The following TMEM232 variants were observed in gnomAD, a reference collection of about 807,000 sequenced individuals.
TMEM232 encodes transmembrane protein 232.
In TMEM232, 80 loss-of-function variants were observed where a neutral mutation model predicts 78.8. The ratio of observed to expected loss-of-function variants is 1.01; its 90% CI spans 0.85 to 1.22. The LOEUF (loss-of-function observed/expected upper bound fraction) is 1.22. TMEM232 is among the 50% of genes most tolerant of loss of function. TMEM232 has a pLI of 0.00. For missense variants in TMEM232, 881 were observed against 742.2 expected (o/e 1.19, Z -2.17); for synonymous variants, 297 against 254.3 (o/e 1.17, Z -1.60).
chr5:110,392,228 A>G (rs372630220), intron 3 of TMEM232, among the ~76,000 whole-genome samples: 2 of 152,190 alleles, frequency 1.3e-5, no homozygotes, highest in South Asian at 2.1e-4. Flanking sequence ...TGCCTCCCAA[A>G]AGAGCACAAG....
chr5:110,621,320 T>C (rs1783722816), intron 7 of TMEM232, among the ~76,000 whole-genome samples: 1 of 152,192 alleles, frequency 6.6e-6, no homozygotes, highest in Non-Finnish European at 1.5e-5. Flanking sequence ...TGTTGCTTAC[T>C]CTTGAGTTCT....
At chr5:110,501,646 T>A (rs1561578370) in intron 12 of TMEM232, among the ~76,000 whole-genome samples, 2 of 152,154 alleles carry the variant, frequency 1.3e-5, no homozygotes, top group African/African-American at 4.8e-5. Flanking sequence ...TAACCCCACA[T>A]TAACTGGCTA....
chr5:110,652,679 G>C (rs1302454663), intron 2 of TMEM232, among the ~76,000 whole-genome samples: 1 of 151,936 alleles, frequency 6.6e-6, no homozygotes, highest in Non-Finnish European at 1.5e-5. Flanking sequence ...ACCAATTCCT[G>C]CCCATCACAA....
At chr5:110,522,892 C>G (rs1769759005) in intron 12 of TMEM232, among the ~76,000 whole-genome samples, 1 of 152,034 alleles carries the variant, frequency 6.6e-6, no homozygotes, top group Non-Finnish European at 1.5e-5. Flanking sequence ...GTGTCTTTGT[C>G]TGGCTTTGGT....
intron 10 of TMEM232, among the ~76,000 whole-genome samples, chr5:110,593,999 T>C (rs1420281657): frequency 2.0e-5 from 3 of 151,996 alleles, no homozygotes; most frequent in Non-Finnish European, 4.4e-5. Flanking sequence ...AATCACACTG[T>C]TGTGGGGAGT....
At chr5:110,507,382 G>T (rs1057420351) in intron 12 of TMEM232, among the ~76,000 whole-genome samples, 1 of 152,108 alleles carries the variant, frequency 6.6e-6, no homozygotes, top group African/African-American at 2.4e-5. Flanking sequence ...GATGATTGCT[G>T]CTGCCACTTC....
At chr5:110,453,027 A>G (rs1266760464) in intron 12 of TMEM232, among the ~76,000 whole-genome samples, 1 of 152,184 alleles carries the variant, frequency 6.6e-6, no homozygotes, top group Non-Finnish European at 1.5e-5. Flanking sequence ...CAAAAACTGG[A>G]GCTATTAGTA....
intron 12 of TMEM232, among the ~76,000 whole-genome samples, chr5:110,430,300 G>A (rs1757692853): frequency 6.6e-6 from 1 of 150,614 alleles, no homozygotes; most frequent in South Asian, 2.1e-4. Context: ...ACTAAAGAGG[G>A]TCAATCATAT....
chr5:110,609,217 T>C (rs559480317), intron 8 of TMEM232, among the ~76,000 whole-genome samples: 140 of 151,904 alleles, frequency 9.2e-4, no homozygotes, highest in Non-Finnish European at 2.2e-4. Flanking sequence ...ATTGACAATG[T>C]CAAAAATCCA....
At chr5:110,490,423 G>C (rs1764961572) in intron 12 of TMEM232, among the ~76,000 whole-genome samples, 1 of 152,084 alleles carries the variant, frequency 6.6e-6, no homozygotes, top group South Asian at 2.1e-4. Flanking sequence ...TTGATGTTAA[G>C]ATAATAATAC....
In TMEM232 at chr5:110,435,005, C is replaced by T. The variant is rs1404415027; in HGVS notation, c.1704-10089G>A. Among the ~76,000 whole-genome samples the T allele has an allele frequency of 3.3e-5, 5 of 152,014 alleles. No individual in the cohort carries two copies. In the East Asian group the frequency reaches 9.7e-4, roughly 29 times the overall value. On this transcript the variant is annotated intron_variant, in intron 12 of 13. Coordinates refer to ENST00000455884, the MANE Select transcript of TMEM232 (RefSeq NM_001039763.4). ...GAATGGGCAAAATTGAAAGCATTAT[C>T]ACTAAGAAGTGGAACAAGACAAGAA...
chr5:110,668,634 G>C (rs1035587457), intron 1 of TMEM232, among the ~76,000 whole-genome samples: 7 of 152,108 alleles, frequency 4.6e-5, no homozygotes, highest in Non-Finnish European at 1.0e-4. Context: ...AGACCTAATA[G>C]ACATCTACAG....
intron 5 of TMEM232, among the ~76,000 whole-genome samples, chr5:110,635,935 A>T (rs2149993727): frequency 6.6e-6 from 1 of 152,144 alleles, no homozygotes; most frequent in South Asian, 2.1e-4. Context: ...GATAAAGAAA[A>T]TCAGTGTATT....
chr5:110,546,381 A>G (rs1307150422), intron 11 of TMEM232, among the ~76,000 whole-genome samples: 1 of 152,110 alleles, frequency 6.6e-6, no homozygotes, highest in African/African-American at 2.4e-5. Flanking sequence ...TATCATATAA[A>G]TTGCATATTT....
chr5:110,725,903 C>T (rs1440959090), intron 1 of TMEM232: 2 of 143,840 alleles, frequency 1.4e-5, no homozygotes, highest in Non-Finnish European at 3.1e-5. Flanking sequence ...TAGACTCTAA[C>T]CTGAGGAAGC....
At chr5:110,429,218 C>T (rs1757565154) in intron 12 of TMEM232, among the ~76,000 whole-genome samples, 1 of 151,684 alleles carries the variant, frequency 6.6e-6, no homozygotes, top group African/African-American at 2.4e-5. Flanking sequence ...AGGTGGGGAG[C>T]TGGCATCATT....
intron 4 of TMEM232, among the ~76,000 whole-genome samples, chr5:110,388,930 C>T (rs1480800053): frequency 1.3e-5 from 2 of 152,028 alleles, no homozygotes; most frequent in African/African-American, 4.8e-5. Context: ...TGCAAGATTA[C>T]TTGTGTTGGA....
chr5:110,510,126 G>T (rs1013368061), intron 12 of TMEM232, among the ~76,000 whole-genome samples: 1 of 152,062 alleles, frequency 6.6e-6, no homozygotes, highest in Non-Finnish European at 1.5e-5. Flanking sequence ...AATGTTGCTT[G>T]TGCCCATGAC....
intron 8 of TMEM232, 79 bp downstream of exon 8, chr5:110,618,350 T>C: frequency 6.6e-7 from 1 of 1,505,558 alleles, no homozygotes; most frequent in Non-Finnish European, 8.9e-7. Flanking sequence ...GTGATTAACA[T>C]TTAGGTACAA....
Sources: gnomAD v4.1 joint callset for allele counts (sites outside exome capture counted in the v4.1 genomes callset) on GRCh38, gnomAD v4.1.1 for gene constraint, MANE v1.5 for transcripts, NCBI Gene and HGNC (gene_info 2026-07-23, HGNC 2026-07-21) for gene names.